The following MMP20 variants were observed in gnomAD, a reference collection of about 807,000 sequenced individuals.
The protein encoded by MMP20 is matrix metallopeptidase 20, also known as matrix metalloproteinase-20.
In MMP20, 50 loss-of-function variants were observed where a neutral mutation model predicts 51.8. That is an observed-to-expected ratio of 0.97 (90% CI 0.77 to 1.22). The LOEUF (loss-of-function observed/expected upper bound fraction) is 1.22, where lower values mean the gene tolerates loss of function less well. MMP20 is among the 50% of genes most tolerant of loss of function. MMP20 has a pLI of 0.00. For missense variants in MMP20, 663 were observed against 601.4 expected (o/e 1.10, Z -1.07); for synonymous variants, 244 against 216.2 (o/e 1.13, Z -1.13).
intron 6 of MMP20, among the ~76,000 whole-genome samples, chr11:102,598,432 T>G (rs1197999462): frequency 2.0e-5 from 3 of 152,256 alleles, no homozygotes; most frequent in Non-Finnish European, 4.4e-5. Flanking sequence ...ATTAGATATT[T>G]AGCTGCACTG....
At chr11:102,578,744 AAAAAAC>A (rs1223144919) in intron 9 of MMP20, among the ~76,000 whole-genome samples, 1 of 994 alleles carries the variant, frequency 1.0e-3, no homozygotes, top group Non-Finnish European at 8.8e-3. Context: ...CAAAAAAAAC[AAAAAAC>A]AAAAAACAAA....
intron 5 of MMP20, chr11:102,607,705 A>G (rs1221388586): frequency 2.0e-5 from 3 of 152,194 alleles, no homozygotes; most frequent in African/African-American, 7.2e-5. Flanking sequence ...CCTGTGTCAT[A>G]ATAGCTGTGC....
chr11:102,609,600 T>C (rs1431386565), intron 4 of MMP20, among the ~76,000 whole-genome samples: 1 of 152,186 alleles, frequency 6.6e-6, no homozygotes, highest in Non-Finnish European at 1.5e-5. Flanking sequence ...ATGTAGCCCA[T>C]TTCCAAGAAT....
intron 2 of MMP20, among the ~76,000 whole-genome samples, chr11:102,616,044 C>T (rs1472370922): frequency 6.6e-6 from 1 of 152,112 alleles, no homozygotes; most frequent in Non-Finnish European, 1.5e-5. Context: ...ACCCTGAGCA[C>T]AGCAGGGAGG....
intron 3 of MMP20, among the ~76,000 whole-genome samples, chr11:102,611,252 G>T (rs1310055142): frequency 1.3e-5 from 2 of 152,192 alleles, no homozygotes; most frequent in African/African-American, 4.8e-5. Context: ...CAGACCTCTT[G>T]CATATCTCCC....
chr11:102,590,440 T>C (rs1456818134), intron 8 of MMP20, among the ~76,000 whole-genome samples: 1 of 152,204 alleles, frequency 6.6e-6, no homozygotes, highest in African/African-American at 2.4e-5. Context: ...CACAGAGACA[T>C]GGGTCCTCCC....
intron 8 of MMP20, among the ~76,000 whole-genome samples, chr11:102,587,488 G>A (rs77583370): frequency 0.018 from 2,747 of 152,248 alleles, 73 homozygotes; most frequent in African/African-American, 0.062. Context: ...TATTGTTCAA[G>A]TCTTTTATTC....
chr11:102,591,065 A>G (rs1051139973), intron 8 of MMP20, among the ~76,000 whole-genome samples: 1 of 152,250 alleles, frequency 6.6e-6, no homozygotes, highest in Non-Finnish European at 1.5e-5. Context: ...TAGTGGCTAA[A>G]TTAAATTTCA....
chr11:102,577,270 C>A lies in MMP20; in HGVS notation c.*56G>T. 2 of 1,178,728 alleles carry A rather than the reference C, an allele frequency of 1.7e-6. No individual in the cohort carries two copies. The highest frequency in any genetic ancestry group is 2.6e-6 in the Non-Finnish European group (2 of 783,926). The allele number at this position is 1,178,728 out of a possible 1,614,324, so 73.0% of individuals were successfully genotyped here. A position where few individuals can be genotyped will look rare whatever the true frequency, so the allele number is the denominator to read the frequency against. Reference sequence around the variant, plus strand: ...ACATTCTGCTTTAGTCCTTAAGATCCAGTTAGAGGCTGCTTGTAGTCATCC... The same window carrying A: ...ACATTCTGCTTTAGTCCTTAAGATCAAGTTAGAGGCTGCTTGTAGTCATCC... On this transcript the variant is annotated 3_prime_UTR_variant, in exon 10 of 10. Coordinates refer to ENST00000260228, the MANE Select transcript of MMP20 (RefSeq NM_004771.4).
chr11:102,622,909 T>C (rs146521115), intron 1 of MMP20, among the ~76,000 whole-genome samples: 38 of 152,320 alleles, frequency 2.5e-4, no homozygotes, highest in Non-Finnish European at 4.6e-4. Context: ...TGGGATGTTA[T>C]TAAATAATTG....
At chr11:102,615,841 C>G (rs944903017) in intron 2 of MMP20, among the ~76,000 whole-genome samples, 2 of 152,102 alleles carry the variant, frequency 1.3e-5, no homozygotes, top group Non-Finnish European at 2.9e-5. Context: ...AGAGTGGAGT[C>G]CACTCTTCTT....
intron 6 of MMP20, among the ~76,000 whole-genome samples, chr11:102,601,822 T>C (rs1356280998): frequency 6.6e-6 from 1 of 152,214 alleles, no homozygotes; most frequent in African/African-American, 2.4e-5. Flanking sequence ...CCTTTTCCAT[T>C]GTTCTTCTCA....
intron 1 of MMP20, among the ~76,000 whole-genome samples, chr11:102,623,968 T>A (rs945466706): frequency 6.6e-6 from 1 of 152,240 alleles, no homozygotes; most frequent in African/African-American, 2.4e-5. Context: ...ATTTAGTTCA[T>A]CTAAAAGTGG....
intron 8 of MMP20, among the ~76,000 whole-genome samples, chr11:102,582,628 G>C (rs1859210176): frequency 6.6e-6 from 1 of 152,138 alleles, no homozygotes; most frequent in Non-Finnish European, 1.5e-5. Flanking sequence ...TCCCAGATGA[G>C]GGTCAGGAAA....
At position 102,588,502 on chromosome 11, in the gene MMP20, A is replaced by C. The variant is rs957013378; in HGVS notation, c.1247+4937T>G. Among the ~76,000 whole-genome samples the C allele has an allele frequency of 1.3e-5, 2 of 152,040 alleles. 1 individual carries two copies. The highest frequency in any genetic ancestry group is 2.9e-5 in the Non-Finnish European group (2 of 67,990). ...TTTAGCCAAATACAGTTTTGCTCCC[A>C]CCTACTTCCTTCATATTATTATTGA... On this transcript the variant is annotated intron_variant, in intron 8 of 9. Coordinates refer to ENST00000260228, the MANE Select transcript of MMP20 (RefSeq NM_004771.4).
At chr11:102,599,292 T>A (rs1859419019) in intron 6 of MMP20, among the ~76,000 whole-genome samples, 1 of 152,196 alleles carries the variant, frequency 6.6e-6, no homozygotes, top group Non-Finnish European at 1.5e-5. Flanking sequence ...AGTGCTGGGA[T>A]TACAGGCATG....
intron 1 of MMP20, 42 bp from the exon 2 acceptor site, chr11:102,617,101 G>A: frequency 2.5e-6 from 4 of 1,613,262 alleles, no homozygotes; most frequent in Non-Finnish European, 3.4e-6. Context: ...AGCGTAGTCT[G>A]GGAAATACTC....
chr11:102,622,714 C>T (rs1348079050), intron 1 of MMP20, among the ~76,000 whole-genome samples: 1 of 152,170 alleles, frequency 6.6e-6, no homozygotes, highest in Non-Finnish European at 1.5e-5. Context: ...CCCACCAGCT[C>T]CCTCATCCTC....
chr11:102,612,023 A>T (rs1859607857), intron 2 of MMP20, 120 bp from the exon 3 acceptor site: 2 of 955,146 alleles, frequency 2.1e-6, no homozygotes, highest in Non-Finnish European at 3.2e-6. Flanking sequence ...TCTCTGAAAT[A>T]ATAATTCTTA....
Sources: allele counts gnomAD v4.1 joint callset (sites outside exome capture counted in the v4.1 genomes callset), GRCh38; gene constraint gnomAD v4.1.1; transcripts MANE v1.5; gene names NCBI Gene and HGNC (gene_info 2026-07-23, HGNC 2026-07-21).